TMEM35A: variants seen among roughly 807,000 people sequenced by gnomAD.
TMEM35A encodes the protein nicotinic acetylcholine receptor chaperone.
For synonymous variants in TMEM35A, 50 were observed against 54.7 expected, an observed-to-expected ratio of 0.91 and a Z score of 0.38; for missense variants, 83 against 132.7, an observed-to-expected ratio of 0.63 and a Z score of 1.84.
At chrX:101,087,308 T>C (rs759498676) in intron 1 of TMEM35A, among the ~76,000 whole-genome samples, 24 of 112,137 alleles carry the variant, frequency 2.1e-4, no homozygotes, top group African/African-American at 7.4e-4. Context: ...GATTGATGGC[T>C]TCCTATAATG....
Position 101,096,047 on chromosome X carries a change from A to T in TMEM35A, c.*1091A>T, listed in dbSNP as rs974010472. ...CTTTGCTAGTATAAGCAGAGTTCCA[A>T]GTCTCCCCTAGGGTTGTCTCTACAT... is the stretch of plus-strand genomic sequence containing the variant. On this transcript the variant is annotated 3_prime_UTR_variant, in exon 2 of 2. Transcript: ENST00000372930. 20 of 112,576 alleles carry T rather than the reference A, an allele frequency of 1.8e-4. No individual in the cohort carries two copies. Among genetic ancestry groups the T allele is most frequent in the Non-Finnish European group, 3.4e-4 (18 of 53,380 alleles). The allele number at this position is 112,576 out of a possible 1,213,427, so 9.3% of individuals were successfully genotyped here. A position where few individuals can be genotyped will look rare whatever the true frequency, so the allele number is the denominator to read the frequency against.
In TMEM35A at chrX:101,094,948, G is replaced by A; in HGVS notation, c.496G>A (p.Val166Met). 1 of 1,180,106 alleles carries A rather than the reference G, an allele frequency of 8.5e-7. No individual in the cohort carries two copies. Among genetic ancestry groups the A allele is most frequent in the African/African-American group, 1.8e-5 (1 of 57,077 alleles). ...GAAGGCCCCTCAGGGCAAAGTGAAG[G>A]TGTCATAGAAAAGTGGAAGTGCAAA... ...YEKAPQGKVK[V>M]S Residue 166 changes from valine to methionine, a missense_variant, in exon 2 of 2, where the codon GTG becomes ATG. By Grantham distance (21) the Val-to-Met change is conservative. Coordinates refer to ENST00000372930, the MANE Select transcript of TMEM35A (RefSeq NM_021637.3).
chrX:101,089,344 C>G lies in TMEM35A; in HGVS notation c.121-5229C>G, dbSNP rs180694780. 2.0e-3 allele frequency among the ~76,000 whole-genome samples: 224 copies of G among 110,361 alleles called. 1 individual carries two copies. The highest frequency in any genetic ancestry group is 7.0e-3 in the African/African-American group (213 of 30,382). On this transcript the variant is annotated intron_variant, in intron 1 of 1. Coordinates refer to ENST00000372930, the MANE Select transcript of TMEM35A (RefSeq NM_021637.3). ...GGGTCGTGCAAGTGTAGCGTCGGAG[C>G]CTACCTTTATTTAAAAGTTTCATAT...
intron 1 of TMEM35A, among the ~76,000 whole-genome samples, chrX:101,084,294 T>C (rs777020854): frequency 9.0e-6 from 1 of 111,092 alleles, no homozygotes; most frequent in African/African-American, 3.3e-5. Context: ...GATCTATGAT[T>C]CACACAGGCT....
intron 1 of TMEM35A, among the ~76,000 whole-genome samples, chrX:101,085,312 A>G (rs2089303792): frequency 8.9e-6 from 1 of 112,258 alleles, no homozygotes; most frequent in Admixed American, 9.5e-5. Flanking sequence ...GACTAAAGAA[A>G]GGCTCTGGCT....
chrX:101,087,600 G>A (rs2089311196), intron 1 of TMEM35A, among the ~76,000 whole-genome samples: 1 of 111,868 alleles, frequency 8.9e-6, no homozygotes, highest in African/African-American at 3.2e-5. Context: ...ATAGGAACTT[G>A]ATTTAAAACA....
intron 1 of TMEM35A, among the ~76,000 whole-genome samples, chrX:101,090,327 A>ATTTTTTTTT (rs1199957258): frequency 3.0e-5 from 2 of 66,242 alleles, no homozygotes; most frequent in Admixed American, 1.6e-4. Context: ...TAATTTTTGT[A>ATTTTTTTTT]TTTTTTTTTT....
Position 101,095,163 on chromosome X carries a change from T to C in TMEM35A, c.*207T>C. On this transcript the variant is annotated 3_prime_UTR_variant, in exon 2 of 2. Transcript: ENST00000372930. ...ATTTGTGCGCCACCTTTAATCACTC[T>C]GGGGCAACTCTCACATCTTGCTGCA... is the stretch of plus-strand genomic sequence containing the variant. 3 of 416,201 alleles carry C rather than the reference T, an allele frequency of 7.2e-6. No homozygotes were observed. The South Asian group carries it at 1.4e-4, about 19-fold the overall frequency. 34.3% of individuals were successfully genotyped at this position (416,201 alleles called of 1,213,427 possible). A position where few individuals can be genotyped will look rare whatever the true frequency, so the allele number is the denominator to read the frequency against.
At position 101,095,984 on chromosome X, in the gene TMEM35A, C is replaced by T. The variant is rs2089339157; in HGVS notation, c.*1028C>T. ...AGAAGCTATATCCAGTGTTTCACTG[C>T]CAAACAGATTCACTACTCTTACTGA... On this transcript the variant is annotated 3_prime_UTR_variant, in exon 2 of 2. Coordinates refer to ENST00000372930, the MANE Select transcript of TMEM35A (RefSeq NM_021637.3). 8.9e-6 allele frequency: 1 copy of T among 112,200 alleles called. No individual in the cohort carries two copies. The highest frequency in any genetic ancestry group is 3.2e-5 in the African/African-American group (1 of 30,899). 9.2% of individuals were successfully genotyped at this position (112,200 alleles called of 1,213,427 possible). A position where few individuals can be genotyped will look rare whatever the true frequency, so the allele number is the denominator to read the frequency against.
intron 1 of TMEM35A, among the ~76,000 whole-genome samples, chrX:101,089,155 A>G (rs142252616): frequency 5.1e-3 from 564 of 111,128 alleles, no homozygotes; most frequent in Middle Eastern, 0.032. Context: ...TAATTTCTCT[A>G]TGAAAAATCC....
intron 1 of TMEM35A, among the ~76,000 whole-genome samples, chrX:101,084,919 C>T (rs2089302736): frequency 9.0e-6 from 1 of 110,864 alleles, no homozygotes; most frequent in African/African-American, 3.3e-5. Context: ...AAAAAAAACC[C>T]CACATGACCA....
At chrX:101,090,445 G>A (rs1426493134) in intron 1 of TMEM35A, among the ~76,000 whole-genome samples, 1 of 108,736 alleles carries the variant, frequency 9.2e-6, no homozygotes, top group Non-Finnish European at 1.9e-5. Flanking sequence ...TGGGATTACA[G>A]GTTTGTGCCA....
intron 1 of TMEM35A, 27 bp downstream of exon 1, chrX:101,079,149 A>G (rs920152910): frequency 8.3e-7 from 1 of 1,207,971 alleles, no homozygotes; most frequent in Non-Finnish European, 1.1e-6. Flanking sequence ...GGTGATGAGG[A>G]GCGCACTCCC....
intron 1 of TMEM35A, chrX:101,081,965 A>C (rs2148108193): frequency 9.0e-6 from 1 of 110,866 alleles, no homozygotes; most frequent in South Asian, 3.8e-4. Context: ...GTTGGTTTTT[A>C]TGGATGCCAG....
intron 1 of TMEM35A, among the ~76,000 whole-genome samples, chrX:101,087,552 C>T (rs764294022): frequency 1.8e-5 from 2 of 111,864 alleles, no homozygotes; most frequent in South Asian, 3.7e-4. Context: ...AGTAATACGC[C>T]GTTCTACTAA....
intron 1 of TMEM35A, among the ~76,000 whole-genome samples, chrX:101,086,416 C>T (rs746587197): frequency 1.6e-4 from 18 of 112,178 alleles, no homozygotes; most frequent in South Asian, 7.4e-4. Context: ...CCACTGCACC[C>T]GGCCTAATTG....
At chrX:101,087,580 T>G (rs1395243946) in intron 1 of TMEM35A, among the ~76,000 whole-genome samples, 2 of 111,942 alleles carry the variant, frequency 1.8e-5, no homozygotes, top group Admixed American at 1.9e-4. Context: ...GAAAAAAGAT[T>G]ACTGAAGTTA....
At chrX:101,094,455 A>G in intron 1 of TMEM35A, 118 bp from the exon 2 acceptor site, 1 of 692,855 alleles carries the variant, frequency 1.4e-6, no homozygotes. Context: ...GAAAAATTAT[A>G]TATAATGGGA....
At chrX:101,091,506 A>G (rs774015214) in intron 1 of TMEM35A, among the ~76,000 whole-genome samples, 5 of 110,296 alleles carry the variant, frequency 4.5e-5, no homozygotes, top group African/African-American at 1.6e-4. Flanking sequence ...GGGTCTCACT[A>G]TCTTGTCCAG....
Sources: gnomAD v4.1 joint callset for allele counts (sites outside exome capture counted in the v4.1 genomes callset) on GRCh38, gnomAD v4.1.1 for gene constraint, MANE v1.5 for transcripts, NCBI Gene and HGNC (gene_info 2026-07-23, HGNC 2026-07-21) for gene names.